Variants in CD44 observed in about 807,000 individuals in gnomAD.
The protein encoded by CD44 is CD44 antigen.
In CD44, 49 loss-of-function variants were observed where a neutral mutation model predicts 88.8. That is an observed-to-expected ratio of 0.55 (90% CI 0.44 to 0.70). CD44 has a LOEUF of 0.70. Ranked by LOEUF, CD44 falls within the 30% of genes least tolerant of loss-of-function variation. CD44 has a pLI of 0.00. For missense variants in CD44, 883 were observed against 913.8 expected, an observed-to-expected ratio of 0.97 and a Z score of 0.43; for synonymous variants, 325 against 312.3, an observed-to-expected ratio of 1.04 and a Z score of -0.43.
chr11:35,166,223 C>A (rs1028081576), intron 1 of CD44, among the ~76,000 whole-genome samples: 1 of 152,224 alleles, frequency 6.6e-6, no homozygotes, highest in Non-Finnish European at 1.5e-5. Flanking sequence ...CAGAGGATTT[C>A]CTGATCACCA....
In CD44 at chr11:35,229,397, A is replaced by G. The variant is rs1023815924; in HGVS notation, c.*64A>G. 55 of 1,006,818 alleles carry G rather than the reference A, an allele frequency of 5.5e-5. No individual in the cohort carries two copies. Among genetic ancestry groups the G allele is most frequent in the Non-Finnish European group, 7.5e-5 (49 of 651,408 alleles). The allele number at this position is 1,006,818 out of a possible 1,614,324, so 62.4% of individuals were successfully genotyped here. A position where few individuals can be genotyped will look rare whatever the true frequency, so the allele number is the denominator to read the frequency against. On this transcript the variant is annotated 3_prime_UTR_variant, in exon 18 of 18. Coordinates refer to ENST00000428726, the MANE Select transcript of CD44 (RefSeq NM_000610.4). ...AACATAACCATTACAGGGAGCTGGG[A>G]CACTTAACAGATGCAATGTGCTACT...
intron 8 of CD44, 107 bp downstream of exon 8, chr11:35,201,302 C>A: frequency 2.5e-6 from 2 of 799,828 alleles, no homozygotes; most frequent in Admixed American, 2.0e-5. Flanking sequence ...AATATCTGAT[C>A]AAGAAATTCT....
intron 9 of CD44, 26 bp from the exon 10 acceptor site, chr11:35,204,486 T>C (rs778676221): frequency 1.2e-6 from 2 of 1,610,778 alleles, no homozygotes; most frequent in South Asian, 2.2e-5. Flanking sequence ...GACAATTATG[T>C]CTCCCAACTG....
chr11:35,179,737 T>C (rs74363818), intron 2 of CD44, among the ~76,000 whole-genome samples: 2,515 of 152,230 alleles, frequency 0.017, 101 homozygotes, highest in African/African-American at 0.058. Context: ...TTTAGGGCAA[T>C]GGAGTATGGA....
chr11:35,186,965 CTG>C, intron 4 of CD44, 65 bp downstream of exon 4: 1 of 954,498 alleles, frequency 1.0e-6, no homozygotes, highest in Admixed American at 1.7e-5. Flanking sequence ...GGTGTGTTCT[CTG>C]TGGTATATTT....
intron 15 of CD44, among the ~76,000 whole-genome samples, chr11:35,218,307 A>C (rs953597461): frequency 6.6e-6 from 1 of 152,168 alleles, no homozygotes; most frequent in African/African-American, 2.4e-5. Context: ...TTTCATAGTC[A>C]GAAAGGGCCA....
At chr11:35,141,655 C>T (rs1000974692) in intron 1 of CD44, among the ~76,000 whole-genome samples, 1 of 152,216 alleles carries the variant, frequency 6.6e-6, no homozygotes, top group Non-Finnish European at 1.5e-5. Context: ...GAGGTTCTCC[C>T]AGAGACCCGC....
At chr11:35,185,728 G>A (rs1442454826) in intron 3 of CD44, among the ~76,000 whole-genome samples, 2 of 152,142 alleles carry the variant, frequency 1.3e-5, no homozygotes, top group Admixed American at 6.5e-5. Context: ...AAGCTGTAAT[G>A]CACAAATGGA....
Position 35,208,105 on chromosome 11 carries a change from A to C in CD44, c.1415A>C (p.Asp472Ala), listed in dbSNP as rs1948058695. 1.3e-6 allele frequency: 2 copies of C among 1,573,096 alleles called. No individual in the cohort carries two copies. Among genetic ancestry groups the C allele is most frequent in the South Asian group, 2.2e-5 (2 of 90,182 alleles). Residue 472 changes from aspartate (D) to alanine (A), a missense_variant and splice_region_variant, in exon 12 of 18, where the codon GAT becomes GCT. Physicochemically the swap from Asp to Ala is moderately radical, Grantham distance 126. Coordinates refer to ENST00000428726, the MANE Select transcript of CD44 (RefSeq NM_000610.4). ...GRGHQAGRRM[D>A]MDSSHSITLQ... The stretch of plus-strand genomic sequence containing the variant: ...ATAACACTAATATTGATTCCTTCAG[A>C]TATGGACTCCAGTCATAGTATAACG...
At chr11:35,140,424 TA>T (rs1236192792) in intron 1 of CD44, among the ~76,000 whole-genome samples, 5 of 152,230 alleles carry the variant, frequency 3.3e-5, no homozygotes, top group Admixed American at 6.5e-5. Context: ...CTGCATGCAG[TA>T]AATTCTACTC....
At chr11:35,161,064 A>G (rs1288668455) in intron 1 of CD44, among the ~76,000 whole-genome samples, 1 of 152,224 alleles carries the variant, frequency 6.6e-6, no homozygotes, top group Non-Finnish European at 1.5e-5. Flanking sequence ...GTAACCAAGG[A>G]TACTGAAAGT....
At position 35,199,547 on chromosome 11, in the gene CD44, G is replaced by C. The variant is rs1001218471; in HGVS notation, c.922+1301G>C. ...ATCCTCAAATGGACAGAGAAGAAAG[G>C]GTCCAGAAAAAAAAATAGCTTAGGC... is the stretch of plus-strand genomic sequence containing the variant. On this transcript the variant is annotated intron_variant, in intron 7 of 17. Coordinates refer to ENST00000428726, the MANE Select transcript of CD44 (RefSeq NM_000610.4). Among the ~76,000 whole-genome samples the C allele has an allele frequency of 5.3e-5, 8 of 151,328 alleles. No individual in the cohort carries two copies. In the East Asian group the frequency reaches 1.2e-3, roughly 22 times the overall value.
At chr11:35,167,126 G>A (rs1943375471) in intron 1 of CD44, among the ~76,000 whole-genome samples, 1 of 152,190 alleles carries the variant, frequency 6.6e-6, no homozygotes, top group South Asian at 2.1e-4. Flanking sequence ...ACTTCTTCGT[G>A]TCCTATTAAG....
intron 1 of CD44, among the ~76,000 whole-genome samples, chr11:35,154,019 C>A (rs1337509569): frequency 1.3e-5 from 2 of 152,172 alleles, no homozygotes; most frequent in Admixed American, 1.3e-4. Flanking sequence ...ATCATGAGAA[C>A]CTCTAAGCTG....
At chr11:35,196,050 A>G (rs1375734026) in intron 5 of CD44, among the ~76,000 whole-genome samples, 1 of 152,152 alleles carries the variant, frequency 6.6e-6, no homozygotes, top group Non-Finnish European at 1.5e-5. Context: ...GGAGAATGAT[A>G]TTGGTTGCCC....
At chr11:35,171,240 G>A (rs113601121) in intron 1 of CD44, among the ~76,000 whole-genome samples, 1 of 152,302 alleles carries the variant, frequency 6.6e-6, no homozygotes, top group Non-Finnish European at 1.5e-5. Flanking sequence ...GAAAATGTTG[G>A]CTCCTTTTAA....
At chr11:35,170,269 C>T (rs965709346) in intron 1 of CD44, among the ~76,000 whole-genome samples, 3 of 152,190 alleles carry the variant, frequency 2.0e-5, no homozygotes, top group African/African-American at 4.8e-5. Flanking sequence ...GAGGTCCTAA[C>T]TAGGTTGAAC....
At chr11:35,208,265 C>T (rs1948081607) in intron 12 of CD44, 59 bp downstream of exon 12, 14 of 1,142,236 alleles carry the variant, frequency 1.2e-5, no homozygotes, top group South Asian at 2.5e-5. Flanking sequence ...ATCTCTTACT[C>T]GCTATTGGCC....
chr11:35,205,644 A>T, intron 10 of CD44: 1 of 195,980 alleles, frequency 5.1e-6, no homozygotes. Flanking sequence ...GATAAATGGC[A>T]TTGACTTTCA....
Sources: gnomAD v4.1 joint callset for allele counts (sites outside exome capture counted in the v4.1 genomes callset) on GRCh38, gnomAD v4.1.1 for gene constraint, MANE v1.5 for transcripts, NCBI Gene and HGNC (gene_info 2026-07-23, HGNC 2026-07-21) for gene names.